Variants in HIVEP3 observed in about 807,000 individuals in gnomAD.
The protein encoded by HIVEP3 is transcription factor HIVEP3.
HIVEP3 carries 49 observed loss-of-function variants against 152.8 expected under a neutral mutation model. The observed-to-expected ratio is 0.32, with a 90% CI of 0.26 to 0.41. HIVEP3 has a LOEUF of 0.41. HIVEP3 is among the 10% of genes least tolerant of loss of function. The pLI is 1.00. For missense variants in HIVEP3, 2,790 were observed against 3,103.3 expected, an observed-to-expected ratio of 0.90 and a Z score of 2.40; for synonymous variants, 1,269 against 1,289.0, an observed-to-expected ratio of 0.98 and a Z score of 0.33.
chr1:41,853,576 G>A (rs1643666042), intron 1 of HIVEP3, among the ~76,000 whole-genome samples: 1 of 152,150 alleles, frequency 6.6e-6, no homozygotes, highest in Admixed American at 6.5e-5. Flanking sequence ...GGGGATTATG[G>A]GGATTACAAT....
Position 41,648,147 on chromosome 1 carries a change from A to C in HIVEP3, c.-720-19200T>G, listed in dbSNP as rs112435178. Among the ~76,000 whole-genome samples the C allele has an allele frequency of 5.3e-5, 8 of 152,322 alleles. 1 individual carries two copies. Among genetic ancestry groups the C allele is most frequent in the African/African-American group, 1.9e-4 (8 of 41,562 alleles). On this transcript the variant is annotated intron_variant, in intron 2 of 8. Coordinates refer to ENST00000372583, the MANE Select transcript of HIVEP3 (RefSeq NM_024503.5). ...ATTTGCTGAAATATATAGACCAACGAATGCCCGGGCCTCACCATCCATACC... is the reference window on the plus strand; with the variant it reads ...ATTTGCTGAAATATATAGACCAACGCATGCCCGGGCCTCACCATCCATACC...
upstream of HIVEP3, among the ~76,000 whole-genome samples, chr1:41,923,189 AT>A (rs1435937267): frequency 2.6e-5 from 4 of 152,246 alleles, no homozygotes; most frequent in East Asian, 7.7e-4. Context: ...TAAAAACTGA[AT>A]TTTAAATCAG....
At chr1:41,722,282 C>T (rs1357527582) in intron 1 of HIVEP3, among the ~76,000 whole-genome samples, 1 of 152,238 alleles carries the variant, frequency 6.6e-6, no homozygotes, top group Non-Finnish European at 1.5e-5. Flanking sequence ...TCTCTAGCTC[C>T]CAGCACAGGC....
At chr1:41,645,734 A>G (rs971970111) in intron 2 of HIVEP3, among the ~76,000 whole-genome samples, 2 of 152,220 alleles carry the variant, frequency 1.3e-5, no homozygotes, top group Non-Finnish European at 2.9e-5. Context: ...CTCAGTAAAT[A>G]CATGCTGGGC....
chr1:41,691,738 A>C (rs983402970), intron 2 of HIVEP3, among the ~76,000 whole-genome samples: 1 of 152,230 alleles, frequency 6.6e-6, no homozygotes, highest in Non-Finnish European at 1.5e-5. Context: ...GCCTGAATGA[A>C]TGAAGACACT....
At chr1:41,814,156 G>A (rs1402843838) in intron 1 of HIVEP3, among the ~76,000 whole-genome samples, 1 of 152,198 alleles carries the variant, frequency 6.6e-6, no homozygotes, top group Non-Finnish European at 1.5e-5. Context: ...CTTGCTTTTA[G>A]GCCATGGGTG....
intron 1 of HIVEP3, among the ~76,000 whole-genome samples, chr1:41,799,808 C>T (rs1192978222): frequency 6.6e-6 from 1 of 152,146 alleles, no homozygotes; most frequent in Non-Finnish European, 1.5e-5. Context: ...TTCCCCCCAA[C>T]CCCAAGCATA....
intron 3 of HIVEP3, among the ~76,000 whole-genome samples, chr1:41,623,739 C>T (rs1045811242): frequency 2.6e-5 from 4 of 152,214 alleles, no homozygotes; most frequent in African/African-American, 9.6e-5. Context: ...TCCAACCCCA[C>T]GCCGGTCTCT....
chr1:41,681,143 G>C (rs531176504), intron 2 of HIVEP3, among the ~76,000 whole-genome samples: 48 of 151,804 alleles, frequency 3.2e-4, no homozygotes, highest in Non-Finnish European at 5.6e-4. Context: ...CTGTCTGCTG[G>C]AGTGCAGTGG....
chr1:41,895,797 T>C (rs1306503664), intron 1 of HIVEP3, among the ~76,000 whole-genome samples: 2 of 152,034 alleles, frequency 1.3e-5, no homozygotes, highest in Non-Finnish European at 2.9e-5. Flanking sequence ...TAAACATTTA[T>C]TTGCTTTATA....
rs1319720581 is a variant in HIVEP3, at chr1:41,507,217, T to C, written c.*3234A>G. The C allele has an allele frequency of 1.3e-5, 2 of 152,256 alleles. No homozygotes were observed. The highest frequency in any genetic ancestry group is 2.9e-5 in the Non-Finnish European group (2 of 68,082). 9.4% of individuals were successfully genotyped at this position (152,256 alleles called of 1,614,324 possible). On this transcript the variant is annotated 3_prime_UTR_variant, in exon 9 of 9. Transcript: ENST00000372583. ...GCTAGAGGAATCTGGAAGCTAATTC[T>C]TTTAGGCTTTTTCCAACAGAGGGAA... is the stretch of plus-strand genomic sequence containing the variant.
intron 2 of HIVEP3, among the ~76,000 whole-genome samples, chr1:41,681,118 G>A (rs1646031812): frequency 6.6e-6 from 1 of 151,644 alleles, no homozygotes; most frequent in Non-Finnish European, 1.5e-5. Context: ...GTGTGTGTGT[G>A]TGTATAGACA....
At chr1:41,523,321 C>CAGGGA (rs1642813864) in intron 6 of HIVEP3, among the ~76,000 whole-genome samples, 1 of 152,126 alleles carries the variant, frequency 6.6e-6, no homozygotes, top group Non-Finnish European at 1.5e-5. Context: ...GGCCAATGTG[C>CAGGGA]CCTCTCTGGG....
intron 1 of HIVEP3, among the ~76,000 whole-genome samples, chr1:41,926,312 C>T (rs1644968043): frequency 6.6e-6 from 1 of 152,212 alleles, no homozygotes; most frequent in African/African-American, 2.4e-5. Context: ...CTGGACCCCA[C>T]TACAAGACCT....
At chr1:41,976,938 C>G (rs951821420) in intron 1 of HIVEP3, among the ~76,000 whole-genome samples, 8 of 152,216 alleles carry the variant, frequency 5.3e-5, no homozygotes, top group Non-Finnish European at 1.2e-4. Flanking sequence ...GCCTCCAGGA[C>G]TGTGCAACCA....
intron 1 of HIVEP3, among the ~76,000 whole-genome samples, chr1:41,805,896 T>C (rs1459066920): frequency 6.6e-6 from 1 of 152,150 alleles, no homozygotes; most frequent in East Asian, 1.9e-4. Context: ...TGTGTGTGTG[T>C]ACACGTGCAC....
At chr1:41,996,499 G>A (rs1301632635) in intron 1 of HIVEP3, among the ~76,000 whole-genome samples, 1 of 152,046 alleles carries the variant, frequency 6.6e-6, no homozygotes, top group Non-Finnish European at 1.5e-5. Flanking sequence ...CCTGGGCTGG[G>A]GTGGCTCAAA....
intron 3 of HIVEP3, among the ~76,000 whole-genome samples, chr1:41,624,032 T>C (rs11210499): frequency 0.62 from 94,294 of 152,068 alleles, 29,878 homozygotes; most frequent in African/African-American, 0.76. Context: ...CTGAGTTTGC[T>C]CATCAACAAC....
At chr1:41,901,393 C>T (rs1488609358) in intron 1 of HIVEP3, among the ~76,000 whole-genome samples, 2 of 151,984 alleles carry the variant, frequency 1.3e-5, no homozygotes, top group Non-Finnish European at 2.9e-5. Flanking sequence ...GAAACTAACA[C>T]CAGGGGACGT....
Sources: allele counts gnomAD v4.1 joint callset (sites outside exome capture counted in the v4.1 genomes callset), GRCh38; gene constraint gnomAD v4.1.1; transcripts MANE v1.5; gene names NCBI Gene and HGNC (gene_info 2026-07-23, HGNC 2026-07-21).